Variants in RHOBTB1 observed in about 807,000 individuals in gnomAD.
RHOBTB1 encodes rho-related BTB domain-containing protein 1.
Under a neutral mutation model 71.6 loss-of-function variants are expected in RHOBTB1, and 40 were observed. The ratio of observed to expected loss-of-function variants is 0.56; its 90% CI spans 0.43 to 0.73. The LOEUF is 0.73. RHOBTB1 is among the 30% of genes least tolerant of loss of function. The probability of loss-of-function intolerance (pLI) is 0.00; values close to 1 mark genes in which losing one functional copy is unlikely to be tolerated. For synonymous variants in RHOBTB1, 319 were observed against 334.9 expected (o/e 0.95, Z 0.52); for missense variants, 797 against 894.0 (o/e 0.89, Z 1.38).
intron 4 of RHOBTB1, among the ~76,000 whole-genome samples, chr10:60,894,358 T>C (rs2082062441): frequency 6.6e-6 from 1 of 152,162 alleles, no homozygotes; most frequent in African/African-American, 2.4e-5. Context: ...TTAAAGTAGA[T>C]GAATGTATTA....
At chr10:60,930,504 T>G (rs752947298) in intron 2 of RHOBTB1, among the ~76,000 whole-genome samples, 4 of 152,214 alleles carry the variant, frequency 2.6e-5, no homozygotes, top group Admixed American at 6.5e-5. Context: ...TACATTCGAC[T>G]GAAACAACAG....
intron 2 of RHOBTB1, among the ~76,000 whole-genome samples, chr10:60,920,383 C>T (rs925287141): frequency 2.0e-5 from 3 of 152,050 alleles, no homozygotes; most frequent in Middle Eastern, 3.4e-3. Context: ...GGTGACCTGT[C>T]TGAAGAGGCC....
chr10:60,886,428 T>C (rs1282404126), intron 6 of RHOBTB1, among the ~76,000 whole-genome samples, 198 bp from the exon 7 acceptor site: 2 of 152,138 alleles, frequency 1.3e-5, no homozygotes, highest in Non-Finnish European at 2.9e-5. Context: ...GTATTTGACA[T>C]CATCACACAT....
rs2085499410 is a variant in RHOBTB1, at chr10:60,953,966, T to C, written c.-61-12112A>G. On this transcript the variant is annotated intron_variant, in intron 2 of 11. Transcript: ENST00000357917. ...TTATATAAAGTGTAATTTTAAGCTT[T>C]AAATTTACTTTAACTCTATTCCATG... Among the ~76,000 whole-genome samples, 3 of 111,158 alleles carry C rather than the reference T, an allele frequency of 2.7e-5. No homozygotes were observed. In the Admixed American group the frequency reaches 2.8e-4, roughly 10 times the overall value. The allele number at this position is 111,158 out of a possible 152,430, so 72.9% of individuals were successfully genotyped here. A position where few individuals can be genotyped will look rare whatever the true frequency, so the allele number is the denominator to read the frequency against.
intron 4 of RHOBTB1, among the ~76,000 whole-genome samples, chr10:60,898,307 T>C (rs944606603): frequency 3.3e-5 from 5 of 152,160 alleles, no homozygotes; most frequent in Non-Finnish European, 5.9e-5. Context: ...TGAGGTAGGT[T>C]CTTTACAGAA....
intron 9 of RHOBTB1, 34 bp downstream of exon 9, chr10:60,874,920 A>G: frequency 7.2e-7 from 1 of 1,386,012 alleles, no homozygotes; most frequent in African/African-American, 1.4e-5. Context: ...CTGATTGAAC[A>G]CACTTAAAAG....
intron 2 of RHOBTB1, among the ~76,000 whole-genome samples, chr10:60,974,381 T>C (rs887660415): frequency 2.6e-5 from 4 of 152,044 alleles, no homozygotes; most frequent in Admixed American, 6.6e-5. Flanking sequence ...AAAATAACTA[T>C]AGTTTCTCTT....
chr10:60,882,005 T>C (rs2081348256), intron 7 of RHOBTB1, among the ~76,000 whole-genome samples: 1 of 152,182 alleles, frequency 6.6e-6, no homozygotes. Context: ...CTAAGAACAC[T>C]TTTGGAACAT....
At chr10:60,916,866 G>A (rs559640184) in intron 2 of RHOBTB1, among the ~76,000 whole-genome samples, 101 of 152,310 alleles carry the variant, frequency 6.6e-4, no homozygotes, top group Non-Finnish European at 1.2e-3. Flanking sequence ...CAATCACGAT[G>A]GTCCTTTAAA....
chr10:60,977,385 C>T (rs1380106193), intron 2 of RHOBTB1, among the ~76,000 whole-genome samples: 1 of 151,796 alleles, frequency 6.6e-6, no homozygotes, highest in Non-Finnish European at 1.5e-5. Flanking sequence ...GCTGCTTATG[C>T]TCCTCCATAC....
intron 2 of RHOBTB1, among the ~76,000 whole-genome samples, chr10:60,976,642 C>T (rs1042173973): frequency 6.6e-6 from 1 of 151,652 alleles, no homozygotes; most frequent in Non-Finnish European, 1.5e-5. Context: ...CCAACAGACC[C>T]GATAGGAAAT....
At chr10:60,949,889 G>A (rs1381771901) in intron 2 of RHOBTB1, among the ~76,000 whole-genome samples, 2 of 152,082 alleles carry the variant, frequency 1.3e-5, no homozygotes, top group Non-Finnish European at 2.9e-5. Flanking sequence ...TGTAGGCTAT[G>A]TACTGAAAAT....
chr10:60,876,112 A>G (rs1353332073), intron 8 of RHOBTB1, among the ~76,000 whole-genome samples: 1 of 152,178 alleles, frequency 6.6e-6, no homozygotes, highest in African/African-American at 2.4e-5. Flanking sequence ...TTGGAACTAA[A>G]TTTCCCAGAG....
At chr10:60,906,275 C>T (rs2133251364) in intron 4 of RHOBTB1, among the ~76,000 whole-genome samples, 1 of 152,272 alleles carries the variant, frequency 6.6e-6, no homozygotes, top group South Asian at 2.1e-4. Context: ...TTACTGAAAG[C>T]AAAAGGACTC....
chr10:60,964,901 C>T (rs758457599), intron 2 of RHOBTB1, among the ~76,000 whole-genome samples: 1 of 152,052 alleles, frequency 6.6e-6, no homozygotes, highest in Non-Finnish European at 1.5e-5. Flanking sequence ...TAATGTAATC[C>T]TACCTTATAG....
intron 2 of RHOBTB1, among the ~76,000 whole-genome samples, chr10:60,982,868 C>T (rs927740388): frequency 6.6e-6 from 1 of 152,086 alleles, no homozygotes. Flanking sequence ...ATTTCATGTG[C>T]GTTTCATTTG....
At chr10:60,948,425 G>T (rs1000864246), upstream of RHOBTB1, among the ~76,000 whole-genome samples, 1 of 152,222 alleles carries the variant, frequency 6.6e-6, no homozygotes, top group Non-Finnish European at 1.5e-5. Context: ...GAAACAGGGA[G>T]ACCTTAGCCA....
chr10:60,979,313 C>T (rs1000507401), intron 2 of RHOBTB1, among the ~76,000 whole-genome samples: 1 of 151,754 alleles, frequency 6.6e-6, no homozygotes, highest in African/African-American at 2.4e-5. Flanking sequence ...GTGTCTTGCC[C>T]AATAGGAAAA....
rs760791998 is a variant in RHOBTB1 at position 60,875,026 on chromosome 10, C to T, written c.1743G>A (p.Gln581=). The change falls in exon 9 of 11, where the codon CAG becomes CAA. Residue 581 remains glutamine, a synonymous_variant. Coordinates refer to ENST00000337910, the MANE Select transcript of RHOBTB1 (RefSeq NM_014836.5). The stretch of plus-strand genomic sequence containing the variant: ...CACTCGTGGCGGCTTTGGTCAACTC[C>T]TGAACGGCATGCTGTTCTGGGGAAG... The part of the protein sequence containing the change: ...LVALAEQHAV[Q]ELTKAATSGV... 3.7e-6 allele frequency: 6 copies of T among 1,614,048 alleles called. No homozygotes were observed. Among genetic ancestry groups the T allele is most frequent in the Non-Finnish European group, 4.2e-6 (5 of 1,179,904 alleles).
Sources: gnomAD v4.1 joint callset for allele counts (sites outside exome capture counted in the v4.1 genomes callset) on GRCh38, gnomAD v4.1.1 for gene constraint, MANE v1.5 for transcripts, NCBI Gene and HGNC (gene_info 2026-07-23, HGNC 2026-07-21) for gene names.